The following STK39 variants were observed in gnomAD, a reference collection of about 807,000 sequenced individuals.
The protein encoded by STK39 is serine/threonine kinase 39, also known as STE20/SPS1-related proline-alanine-rich protein kinase.
STK39 carries 20 observed loss-of-function variants against 77.8 expected under a neutral mutation model. The observed-to-expected ratio is 0.26, with a 90% CI of 0.18 to 0.37. The LOEUF (loss-of-function observed/expected upper bound fraction) is 0.37, where lower values mean the gene tolerates loss of function less well. Among genes scored for constraint, STK39 ranks in the 10% least tolerant of loss-of-function variants. The probability of loss-of-function intolerance (pLI) is 1.00; values close to 1 mark genes in which losing one functional copy is unlikely to be tolerated. For missense variants in STK39, 479 were observed against 656.5 expected, an observed-to-expected ratio of 0.73 and a Z score of 2.95; for synonymous variants, 246 against 234.1, an observed-to-expected ratio of 1.05 and a Z score of -0.47.
chr2:168,164,003 C>A, intron 3 of STK39, 123 bp from the exon 4 acceptor site: 1 of 1,356,264 alleles, frequency 7.4e-7, no homozygotes. Context: ...TGCAAATATT[C>A]CCAAGGCAAA....
chr2:168,010,132 C>T (rs1684233924), intron 16 of STK39, among the ~76,000 whole-genome samples: 2 of 152,202 alleles, frequency 1.3e-5, no homozygotes, highest in African/African-American at 2.4e-5. Context: ...CAATCTGATC[C>T]TTGGCTTCTT....
intron 10 of STK39, among the ~76,000 whole-genome samples, chr2:168,099,668 A>C (rs1686769304): frequency 6.6e-6 from 1 of 152,238 alleles, no homozygotes. Flanking sequence ...AAATTAATAT[A>C]ATTCAAGTTA....
At chr2:167,959,155 G>T (rs776189417) in intron 17 of STK39, among the ~76,000 whole-genome samples, 3 of 151,926 alleles carry the variant, frequency 2.0e-5, no homozygotes, top group Non-Finnish European at 2.9e-5. Flanking sequence ...GTCTCACTCT[G>T]TCACCCAGGC....
chr2:168,001,283 A>AAC (rs1553512388), intron 16 of STK39, among the ~76,000 whole-genome samples: 397 of 151,968 alleles, frequency 2.6e-3, no homozygotes, highest in African/African-American at 8.4e-3. Flanking sequence ...AAAAAAAAAA[A>AAC]AACAACAACA....
At chr2:168,041,897 C>T (rs1168135882) in intron 14 of STK39, among the ~76,000 whole-genome samples, 1 of 152,066 alleles carries the variant, frequency 6.6e-6, no homozygotes, top group Non-Finnish European at 1.5e-5. Context: ...ACATTTTTTG[C>T]AACAGTAGGT....
intron 5 of STK39, among the ~76,000 whole-genome samples, chr2:168,153,490 G>C (rs1486990476): frequency 6.6e-6 from 1 of 152,174 alleles, no homozygotes; most frequent in Non-Finnish European, 1.5e-5. Context: ...AGAAGGTCTA[G>C]GGTAGGAGAA....
Position 168,150,994 on chromosome 2 carries a change from C to A in STK39, c.629-10236G>T, listed in dbSNP as rs147527422. On this transcript the variant is annotated intron_variant, in intron 5 of 17. Transcript: ENST00000355999. ...ATTTCTATTTATTCCTTCTTGAAAG[C>A]AAATGGTGCTCAATGGCCTTGTTTG... is the stretch of plus-strand genomic sequence containing the variant. Among the ~76,000 whole-genome samples the A allele has an allele frequency of 2.5e-3, 376 of 152,190 alleles. 4 individuals carry two copies. The highest frequency in any genetic ancestry group is 8.8e-3 in the African/African-American group (364 of 41,558).
Position 168,167,376 on chromosome 2 carries a change from T to C in STK39, c.353A>G (p.His118Arg). The C allele has an allele frequency of 6.2e-7, 1 of 1,613,780 alleles. No individual in the cohort carries two copies. The highest frequency in any genetic ancestry group is 8.5e-7 in the Non-Finnish European group (1 of 1,179,754). ...GGTGTAATAGGTCACTACGTTGGGA[T>C]GGCTGCACTGACTCATGGCTTGAAT... ...KEIQAMSQCS[H>R]PNVVTYYTSF... Residue 118 changes from histidine to arginine, a missense_variant, in exon 3 of 18, where the codon CAT becomes CGT. His to Arg is a conservative substitution (Grantham distance 29, BLOSUM62 0). Coordinates refer to ENST00000355999, the MANE Select transcript of STK39 (RefSeq NM_013233.3).
chr2:168,070,633 C>T (rs1409835955), intron 12 of STK39, among the ~76,000 whole-genome samples: 1 of 144,030 alleles, frequency 6.9e-6, no homozygotes, highest in Non-Finnish European at 1.5e-5. Flanking sequence ...GTGTGATGTT[C>T]CCCATCCTGT....
intron 1 of STK39, among the ~76,000 whole-genome samples, chr2:168,196,763 A>G (rs1177134765): frequency 6.6e-6 from 1 of 152,214 alleles, no homozygotes; most frequent in African/African-American, 2.4e-5. Context: ...AGGTGGTGAC[A>G]TGTGGGCTGA....
intron 2 of STK39, among the ~76,000 whole-genome samples, chr2:168,176,429 C>T (rs1206348037): frequency 6.6e-6 from 1 of 152,084 alleles, no homozygotes; most frequent in Non-Finnish European, 1.5e-5. Context: ...TTAGGAATAA[C>T]AGTTCTTCTC....
chr2:168,141,755 T>C (rs780079360), intron 5 of STK39, among the ~76,000 whole-genome samples: 1 of 152,210 alleles, frequency 6.6e-6, no homozygotes, highest in African/African-American at 2.4e-5. Context: ...ATCGCTCTCA[T>C]ACGCTTTTCC....
chr2:168,111,847 C>T (rs1687128051), intron 10 of STK39, among the ~76,000 whole-genome samples: 1 of 152,146 alleles, frequency 6.6e-6, no homozygotes, highest in Non-Finnish European at 1.5e-5. Flanking sequence ...AAAACCTGCC[C>T]ACCCTCCATC....
intron 8 of STK39, among the ~76,000 whole-genome samples, chr2:168,132,476 C>T (rs1251983794): frequency 6.6e-6 from 1 of 152,144 alleles, no homozygotes; most frequent in Non-Finnish European, 1.5e-5. Context: ...ATTCTAGGCC[C>T]TGACTCCTCC....
intron 1 of STK39, among the ~76,000 whole-genome samples, chr2:168,221,006 T>G (rs755314664): frequency 1.3e-5 from 2 of 152,284 alleles, no homozygotes; most frequent in Non-Finnish European, 2.9e-5. Context: ...CCTGGGTTGG[T>G]TTCTTTTGCA....
chr2:168,148,578 G>C (rs2390638), intron 5 of STK39, among the ~76,000 whole-genome samples: 3 of 152,206 alleles, frequency 2.0e-5, no homozygotes, highest in African/African-American at 7.2e-5. Context: ...CAACAAGACC[G>C]GCAGCAGCAG....
At chr2:168,000,215 A>G (rs1683965521) in intron 16 of STK39, among the ~76,000 whole-genome samples, 1 of 152,220 alleles carries the variant, frequency 6.6e-6, no homozygotes, top group Non-Finnish European at 1.5e-5. Flanking sequence ...GAACACCTAA[A>G]GCCACTGTTC....
intron 17 of STK39, among the ~76,000 whole-genome samples, chr2:167,957,280 T>C (rs1261916598): frequency 2.0e-5 from 3 of 152,200 alleles, no homozygotes; most frequent in African/African-American, 4.8e-5. Context: ...CAGTGATATC[T>C]CTGGTTTCAT....
intron 1 of STK39, among the ~76,000 whole-genome samples, chr2:168,237,997 T>TAAGCTACACAGGA (rs1198349991): frequency 6.6e-6 from 1 of 152,138 alleles, no homozygotes; most frequent in Non-Finnish European, 1.5e-5. Context: ...AATTAAAATC[T>TAAGCTACACAGGA]AAGCTACACA....
Sources: gnomAD v4.1 joint callset for allele counts (sites outside exome capture counted in the v4.1 genomes callset) on GRCh38, gnomAD v4.1.1 for gene constraint, MANE v1.5 for transcripts, NCBI Gene and HGNC (gene_info 2026-07-23, HGNC 2026-07-21) for gene names.